Variants in ZDHHC14 observed in about 807,000 individuals in gnomAD.
ZDHHC14 encodes palmitoyltransferase ZDHHC14.
In ZDHHC14, 16 loss-of-function variants were observed where a neutral mutation model predicts 47.7. The ratio of observed to expected loss-of-function variants is 0.34; its 90% CI spans 0.23 to 0.51. The LOEUF (loss-of-function observed/expected upper bound fraction) is 0.51, where lower values mean the gene tolerates loss of function less well. ZDHHC14 is among the 20% of genes least tolerant of loss of function. The pLI, the probability that ZDHHC14 is intolerant of heterozygous loss-of-function variation, is 0.97. For synonymous variants in ZDHHC14, 293 were observed against 278.9 expected (o/e 1.05, Z -0.50); for missense variants, 515 against 662.5 (o/e 0.78, Z 2.44).
chr6:157,502,420 TAGC>T lies in ZDHHC14; in HGVS notation c.246-40160_246-40158del, dbSNP rs1451787162. On this transcript the variant is annotated intron_variant, in intron 1 of 8. Transcript: ENST00000359775. This position sits in a 1 kb window ranked among gnomAD's most constrained non-coding sequence, Gnocchi z 4.0. ...GTCAGGAGATTTCTTCACATTTAATTAGCAGCAACTATTCTGAATGATCCTGTT... is the reference window on the plus strand; with the variant it reads ...GTCAGGAGATTTCTTCACATTTAATTAGCAACTATTCTGAATGATCCTGTT... Among the ~76,000 whole-genome samples, 3 of 152,174 alleles carry T rather than the reference TAGC, an allele frequency of 2.0e-5. No individual in the cohort carries two copies. The highest frequency in any genetic ancestry group is 4.4e-5 in the Non-Finnish European group (3 of 68,030).
At chr6:157,573,112 C>A (rs1214016109) in intron 2 of ZDHHC14, among the ~76,000 whole-genome samples, 1 of 152,086 alleles carries the variant, frequency 6.6e-6, no homozygotes, top group Admixed American at 6.5e-5. Flanking sequence ...AAACCAGCTT[C>A]CTGTTCCGAG....
chr6:157,640,106 G>T (rs866699720), intron 5 of ZDHHC14, among the ~76,000 whole-genome samples: 2 of 152,332 alleles, frequency 1.3e-5, no homozygotes, highest in South Asian at 2.1e-4. Flanking sequence ...ACCTGCTGGG[G>T]AGCCACAGGG....
chr6:157,612,277 C>A (rs1784779484), intron 3 of ZDHHC14, among the ~76,000 whole-genome samples: 1 of 152,226 alleles, frequency 6.6e-6, no homozygotes, highest in Non-Finnish European at 1.5e-5. Context: ...TCGGAGGACA[C>A]CCACCATCCA....
chr6:157,437,414 C>T (rs868799576), intron 1 of ZDHHC14, among the ~76,000 whole-genome samples: 6 of 152,200 alleles, frequency 3.9e-5, no homozygotes, highest in Non-Finnish European at 5.9e-5. Flanking sequence ...CCGAGTGTCC[C>T]GGGCAGGCTG....
At chr6:157,670,268 ACAGT>A (rs1342722745) in intron 8 of ZDHHC14, among the ~76,000 whole-genome samples, 1 of 152,204 alleles carries the variant, frequency 6.6e-6, no homozygotes, top group African/African-American at 2.4e-5. Context: ...TTAACGCTTC[ACAGT>A]CAGCCCCTTC....
chr6:157,389,476 T>A (rs912970237), intron 1 of ZDHHC14, among the ~76,000 whole-genome samples: 1 of 152,190 alleles, frequency 6.6e-6, no homozygotes, highest in Non-Finnish European at 1.5e-5. Context: ...GTATTCAGAT[T>A]TTGCCATTTG....
chr6:157,504,665 C>T (rs1487361176), intron 1 of ZDHHC14, among the ~76,000 whole-genome samples: 1 of 152,010 alleles, frequency 6.6e-6, no homozygotes, highest in Non-Finnish European at 1.5e-5. Context: ...CCCACCTCGG[C>T]CTCCCAAAGT....
At chr6:157,418,844 A>G (rs1235717113) in intron 1 of ZDHHC14, among the ~76,000 whole-genome samples, 1 of 152,208 alleles carries the variant, frequency 6.6e-6, no homozygotes, top group African/African-American at 2.4e-5. Flanking sequence ...TCAGAGCCCC[A>G]CACATATGTC....
In ZDHHC14 at chr6:157,593,010, A is replaced by AG. The variant is rs1411848485; in HGVS notation, c.435dup (p.Tyr146ValfsTer20). On this transcript the variant is annotated frameshift_variant, in exon 3 of 9. Coordinates refer to ENST00000359775, the MANE Select transcript of ZDHHC14 (RefSeq NM_024630.3). LOFTEE classifies it high-confidence loss of function. ...CAGATATCGCAAACGGCACCAGTTC[A>AG]GGGGGGTACCGCCCGCCTCCCAGAA... The AG allele has an allele frequency of 6.2e-7, 1 of 1,613,870 alleles. No homozygotes were observed. The highest frequency in any genetic ancestry group is 8.5e-7 in the Non-Finnish European group (1 of 1,179,868).
At chr6:157,471,407 G>T (rs1335955012) in intron 1 of ZDHHC14, among the ~76,000 whole-genome samples, 1 of 151,950 alleles carries the variant, frequency 6.6e-6, no homozygotes, top group African/African-American at 2.4e-5. Flanking sequence ...CCCGCCCGCC[G>T]ACACCAGACA....
chr6:157,630,272 A>T (rs1374432900), intron 4 of ZDHHC14: 1 of 152,158 alleles, frequency 6.6e-6, no homozygotes. Context: ...GAGCCACCCC[A>T]CCCGGCCTAG....
chr6:157,479,772 CT>C (rs1779578243), intron 1 of ZDHHC14, among the ~76,000 whole-genome samples: 1 of 152,256 alleles, frequency 6.6e-6, no homozygotes, highest in South Asian at 2.1e-4. Context: ...AAGCTGTGCA[CT>C]GGGCCTGCCC....
chr6:157,493,810 A>T (rs1779988066), intron 1 of ZDHHC14, among the ~76,000 whole-genome samples: 1 of 152,188 alleles, frequency 6.6e-6, no homozygotes, highest in Middle Eastern at 3.2e-3. Flanking sequence ...CAGGTGACAC[A>T]ATCCCCGCCC....
In ZDHHC14 at chr6:157,586,108, G is replaced by A. The variant is rs747298327; in HGVS notation, c.407-6880G>A. On this transcript the variant is annotated intron_variant, in intron 2 of 8. Transcript: ENST00000359775. The surrounding 1 kb of genome is among the most constrained non-coding windows in gnomAD (Gnocchi z 4.6). ...GGAAACAAATCCTCCTGACATCATC[G>A]GTACTGGGTCTTCCCTCTGGCCTGT... Among the ~76,000 whole-genome samples the A allele has an allele frequency of 2.0e-5, 3 of 152,160 alleles. No homozygotes were observed. Among genetic ancestry groups the A allele is most frequent in the African/African-American group, 7.2e-5 (3 of 41,434 alleles).
chr6:157,501,568 A>G (rs988507065), intron 1 of ZDHHC14, among the ~76,000 whole-genome samples: 4 of 152,252 alleles, frequency 2.6e-5, no homozygotes, highest in African/African-American at 9.6e-5. Flanking sequence ...TGTATCCATG[A>G]ACATGCAAAG....
intron 5 of ZDHHC14, among the ~76,000 whole-genome samples, chr6:157,642,546 C>T (rs1319302567): frequency 2.0e-5 from 3 of 152,204 alleles, no homozygotes; most frequent in African/African-American, 4.8e-5. Context: ...GTAAAGCCAT[C>T]CTTCTGGCCA....
intron 8 of ZDHHC14, among the ~76,000 whole-genome samples, chr6:157,654,322 C>T (rs1777984954): frequency 6.6e-6 from 1 of 152,164 alleles, no homozygotes; most frequent in Non-Finnish European, 1.5e-5. Context: ...TGGTCCTGAC[C>T]ATCAGTGTCT....
chr6:157,647,349 T>C lies in ZDHHC14; in HGVS notation c.946T>C (p.Cys316Arg). 1 of 1,613,562 alleles carries C rather than the reference T, an allele frequency of 6.2e-7. No homozygotes were observed. Among genetic ancestry groups the C allele is most frequent in the Non-Finnish European group, 8.5e-7 (1 of 1,179,534 alleles). Residue 316 changes from cysteine (C) to arginine (R), a missense_variant, in exon 7 of 9, where the codon TGT becomes CGT. This residue lies in a region of ZDHHC14 where 229 missense variants were observed against 351.5 expected (regional missense o/e 0.65). Transcript: ENST00000359775. ...CTTTACCAACTGCTGTGTTGCCCTGTGTGGGCCCATCTCACCAAGGTAAGA... is the reference window on the plus strand; with the variant it reads ...CTTTACCAACTGCTGTGTTGCCCTGCGTGGGCCCATCTCACCAAGGTAAGA... Reference protein sequence around the residue: ...NIFTNCCVALCGPISPSLIDR... With the variant: ...NIFTNCCVALRGPISPSLIDR...
intron 4 of ZDHHC14, chr6:157,632,559 A>G (rs958143671): frequency 3.1e-5 from 15 of 491,502 alleles, no homozygotes; most frequent in African/African-American, 2.5e-4. Context: ...AGGAGTCATC[A>G]GAACTATAAT....
Sources: gnomAD v4.1 joint callset for allele counts (sites outside exome capture counted in the v4.1 genomes callset) on GRCh38, gnomAD v4.1.1 for gene constraint, gnomAD v4.1.1 regional missense constraint, Gnocchi (gnomAD v3.1) non-coding constraint, MANE v1.5 for transcripts, NCBI Gene and HGNC (gene_info 2026-07-23, HGNC 2026-07-21) for gene names.